The following CHD8 variants were observed in gnomAD, a reference collection of about 807,000 sequenced individuals.
CHD8 encodes chromodomain helicase DNA binding protein 8, also known as ATP-dependent chromatin remodeler CHD8.
Under a neutral mutation model 279.2 loss-of-function variants are expected in CHD8, and 31 were observed. The ratio of observed to expected loss-of-function variants is 0.11; its 90% CI spans 0.08 to 0.15. CHD8 has a LOEUF of 0.15. Ranked by LOEUF, CHD8 falls within the 10% of genes least tolerant of loss-of-function variation. CHD8 has a pLI of 1.00. For synonymous variants in CHD8, 1,081 were observed against 1,139.6 expected (o/e 0.95, Z 1.04); for missense variants, 2,146 against 3,230.5 (o/e 0.66, Z 8.14).
chr14:21,450,409 T>C (rs1890228956), intron 1 of CHD8, among the ~76,000 whole-genome samples: 1 of 152,032 alleles, frequency 6.6e-6, no homozygotes, highest in Non-Finnish European at 1.5e-5. Flanking sequence ...CCCCAAAGCA[T>C]GTAGTGGAAG....
intron 5 of CHD8, among the ~76,000 whole-genome samples, chr14:21,422,746 G>A (rs773508009): frequency 6.6e-6 from 1 of 151,980 alleles, no homozygotes; most frequent in African/African-American, 2.4e-5. Context: ...TGACCAACAC[G>A]GCGAAACCCT....
chr14:21,409,632 C>A (rs1888394611), intron 11 of CHD8, among the ~76,000 whole-genome samples: 1 of 152,032 alleles, frequency 6.6e-6, no homozygotes, highest in Non-Finnish European at 1.5e-5. Flanking sequence ...TTTAAAATAA[C>A]CTGGGAAACA....
chr14:21,426,117 G>A lies in CHD8; in HGVS notation c.1716+11C>T. On this transcript the variant is annotated intron_variant, in intron 5 of 37. Transcript: ENST00000646647. The stretch of plus-strand genomic sequence containing the variant: ...GGTTTTTTCTACTAAATTCTTTTGG[G>A]ATCCTTTTACCTGAATGCTGCTTTC... 1 of 1,499,628 alleles carries A rather than the reference G, an allele frequency of 6.7e-7. No individual in the cohort carries two copies. The highest frequency in any genetic ancestry group is 9.2e-7 in the Non-Finnish European group (1 of 1,083,732). The allele number at this position is 1,499,628 out of a possible 1,614,324, so 92.9% of individuals were successfully genotyped here.
chr14:21,409,823 C>A, intron 11 of CHD8, 28 bp downstream of exon 11: 1 of 1,601,756 alleles, frequency 6.2e-7, no homozygotes, highest in Non-Finnish European at 8.5e-7. Flanking sequence ...TTATGTAGGC[C>A]TTTATACTTT....
rs779383741 is a variant in CHD8 at position 21,428,000 on chromosome 14, G to A, written c.1470C>T (p.Pro490=). ...CGCCTTCCTCCTCTGGCCGAACGCT[G>A]GGCAACTCGTCCTCATTTAAGACTC... ...IPRVLNEDEL[P]SVRPEEEGEK... The change falls in exon 4 of 38, where the codon CCC becomes CCT. Residue 490 remains proline, a synonymous_variant. Coordinates refer to ENST00000646647, the MANE Select transcript of CHD8 (RefSeq NM_001170629.2). 5.0e-6 allele frequency: 8 copies of A among 1,613,920 alleles called. No homozygotes were observed. The highest frequency in any genetic ancestry group is 6.8e-6 in the Non-Finnish European group (8 of 1,179,914).
intron 1 of CHD8, among the ~76,000 whole-genome samples, chr14:21,445,562 A>G (rs113381129): frequency 0.092 from 13,953 of 151,728 alleles, 1,544 homozygotes; most frequent in African/African-American, 0.27. Flanking sequence ...GGTGGTGTGC[A>G]CCTGTAATCC....
intron 10 of CHD8, among the ~76,000 whole-genome samples, 152 bp downstream of exon 10, chr14:21,412,761 C>G (rs561811621): frequency 6.6e-6 from 1 of 152,258 alleles, no homozygotes; most frequent in Non-Finnish European, 1.5e-5. Context: ...CTCTTACCTC[C>G]CATTATCTTT....
chr14:21,400,717 T>C lies in CHD8; in HGVS notation c.4371-105A>G, dbSNP rs1251454926. 3.9e-6 allele frequency: 5 copies of C among 1,296,806 alleles called. No individual in the cohort carries two copies. Among genetic ancestry groups the C allele is most frequent in the South Asian group, 3.1e-5 (2 of 65,490 alleles). 80.3% of individuals were successfully genotyped at this position (1,296,806 alleles called of 1,614,324 possible). ...TGTGAAACAAAGATCTTAAAAAACA[T>C]GGTAACAGAATAAACAGAACAAACT... On this transcript the variant is annotated intron_variant, in intron 22 of 37. Transcript: ENST00000646647. This position sits in a 1 kb window ranked among gnomAD's most constrained non-coding sequence, Gnocchi z 4.2.
intron 20 of CHD8, 31 bp from the exon 21 acceptor site, chr14:21,401,544 G>A (rs1888036042): frequency 8.5e-6 from 10 of 1,182,322 alleles, no homozygotes; most frequent in Non-Finnish European, 1.1e-5. Context: ...AGGTAAAGCT[G>A]ACTTTTTTTT....
At chr14:21,449,226 G>T (rs1890201874) in intron 1 of CHD8, among the ~76,000 whole-genome samples, 1 of 152,120 alleles carries the variant, frequency 6.6e-6, no homozygotes, top group Middle Eastern at 3.4e-3. Flanking sequence ...AATAAATGGG[G>T]CTTTGAAGTC....
chr14:21,446,314 CTTCT>C (rs1025914198), intron 1 of CHD8, among the ~76,000 whole-genome samples: 10 of 66,498 alleles, frequency 1.5e-4, no homozygotes, highest in Admixed American at 3.2e-4. Flanking sequence ...TTTTCTTCTT[CTTCT>C]TTTTTTTTTT....
At chr14:21,423,732 A>G (rs1310158265) in intron 5 of CHD8, among the ~76,000 whole-genome samples, 1 of 152,156 alleles carries the variant, frequency 6.6e-6, no homozygotes, top group African/African-American at 2.4e-5. Context: ...ACATTCATCC[A>G]CAGCATATGT....
chr14:21,453,242 G>C (rs1890302352), intron 1 of CHD8, among the ~76,000 whole-genome samples: 1 of 151,658 alleles, frequency 6.6e-6, no homozygotes, highest in South Asian at 2.1e-4. Flanking sequence ...ATTTTCACGA[G>C]GTCAGGAGTT....
rs1284973978 is a variant in CHD8 at position 21,406,982 on chromosome 14, A to G, written c.2781T>C (p.Phe927=). The change falls in exon 14 of 38, where the codon TTT becomes TTC. Residue 927 remains phenylalanine (F), a synonymous_variant. Transcript: ENST00000646647. ...CAGGACAATCTGACAAAATCATCTC[A>G]AAAGTGGTGATCAGAGCGTCAAACT... ...AYKFDALITT[F]EMILSDCPEL... is the part of the protein sequence containing the mutation. 2 of 1,604,494 alleles carry G rather than the reference A, an allele frequency of 1.2e-6. No individual in the cohort carries two copies. The highest frequency in any genetic ancestry group is 8.5e-7 in the Non-Finnish European group (1 of 1,175,214).
chr14:21,390,985 C>T lies in CHD8; in HGVS notation c.7144G>A (p.Glu2382Lys). Residue 2382 changes from glutamate (E) to lysine (K), a missense_variant, in exon 37 of 38, where the codon GAA (glutamate) becomes AAA (lysine). Physicochemically the swap from Glu to Lys is moderately conservative, Grantham distance 56. Around this residue, in one of 26 missense-constraint regions of CHD8, gnomAD observed 336 missense variants for 392.9 expected, o/e 0.86. Transcript: ENST00000646647. ...NKAELNCLGMEPVQTANSRNG... is the reference protein window; with the variant it reads ...NKAELNCLGMKPVQTANSRNG... Reference sequence around the variant, plus strand: ...CTAGAGTTAGCTGTCTGTACTGGTTCCATTCCCAAACAGTTCAATTCTGCC... The same window carrying T: ...CTAGAGTTAGCTGTCTGTACTGGTTTCATTCCCAAACAGTTCAATTCTGCC... 6.2e-7 allele frequency: 1 copy of T among 1,605,342 alleles called. No homozygotes were observed. Among genetic ancestry groups the T allele is most frequent in the Non-Finnish European group, 8.5e-7 (1 of 1,175,352 alleles).
chr14:21,436,299 CA>C (rs2139553035), intron 1 of CHD8, among the ~76,000 whole-genome samples: 1 of 152,256 alleles, frequency 6.6e-6, no homozygotes, highest in South Asian at 2.1e-4. Context: ...TGGGTAGAAG[CA>C]GCTTAATTTA....
At chr14:21,417,684 C>T (rs1456751721) in intron 5 of CHD8, among the ~76,000 whole-genome samples, 1 of 151,714 alleles carries the variant, frequency 6.6e-6, no homozygotes, top group East Asian at 1.9e-4. Context: ...GAAACCCTGT[C>T]TCTACTAAAA....
At chr14:21,454,460 G>A (rs1161721759) in intron 1 of CHD8, among the ~76,000 whole-genome samples, 1 of 152,150 alleles carries the variant, frequency 6.6e-6, no homozygotes, top group Non-Finnish European at 1.5e-5. Context: ...TGGGACTACA[G>A]GCACGCGTCA....
At position 21,405,675 on chromosome 14, in the gene CHD8, C is replaced by T. The variant is rs781585359; in HGVS notation, c.3051+46G>A. ...ACAGATGTCTGCCTTGTACAAACTT[C>T]ACCTTCTTTGTCCTGAGTTAGTACC... On this transcript the variant is annotated intron_variant, in intron 15 of 37. Coordinates refer to ENST00000646647, the MANE Select transcript of CHD8 (RefSeq NM_001170629.2). The surrounding 1 kb of genome is among the most constrained non-coding windows in gnomAD (Gnocchi z 4.2). 1.2e-6 allele frequency: 2 copies of T among 1,603,128 alleles called. No homozygotes were observed. The highest frequency in any genetic ancestry group is 3.4e-5 in the Admixed American group (2 of 58,666).
Sources: allele counts gnomAD v4.1 joint callset (sites outside exome capture counted in the v4.1 genomes callset), GRCh38; gene constraint gnomAD v4.1.1; regional missense constraint gnomAD v4.1.1; non-coding constraint Gnocchi (gnomAD v3.1); transcripts MANE v1.5; gene names NCBI Gene and HGNC (gene_info 2026-07-23, HGNC 2026-07-21).